The following ATP9A variants were observed in gnomAD, a reference collection of about 807,000 sequenced individuals.
ATP9A encodes probable phospholipid-transporting ATPase IIA.
A neutral mutation model predicts 144.1 loss-of-function variants in ATP9A; 52 were observed. That is an observed-to-expected ratio of 0.36 (90% CI 0.29 to 0.45). The LOEUF (loss-of-function observed/expected upper bound fraction) is 0.45. ATP9A is among the 20% of genes least tolerant of loss of function. The probability of loss-of-function intolerance (pLI) is 1.00; values close to 1 mark genes in which losing one functional copy is unlikely to be tolerated. For missense variants in ATP9A, 947 were observed against 1,392.7 expected (o/e 0.68, Z 5.09); for synonymous variants, 582 against 557.4 (o/e 1.04, Z -0.62).
At chr20:51,732,611 C>T (rs1054547961) in intron 1 of ATP9A, 1 of 146,648 alleles carries the variant, frequency 6.8e-6, no homozygotes, top group Non-Finnish European at 1.5e-5. Context: ...TGGAGTGTGG[C>T]TCTGCTAAGG....
intron 5 of ATP9A, 132 bp downstream of exon 5, chr20:51,697,292 G>C: frequency 1.4e-6 from 1 of 724,498 alleles, no homozygotes; most frequent in Non-Finnish European, 2.3e-6. Context: ...ACAGGAAAGA[G>C]ATTTTTCTCC....
chr20:51,713,651 G>A (rs978156158), intron 3 of ATP9A, among the ~76,000 whole-genome samples: 5 of 152,172 alleles, frequency 3.3e-5, no homozygotes, highest in African/African-American at 1.2e-4. Flanking sequence ...TAGGTGGATG[G>A]AGCCAGTAAG....
At chr20:51,746,897 T>C (rs560563231) in intron 1 of ATP9A, among the ~76,000 whole-genome samples, 2 of 151,880 alleles carry the variant, frequency 1.3e-5, no homozygotes, top group African/African-American at 4.8e-5. Flanking sequence ...TCCCAGCTAC[T>C]CCAGAGGCTG....
At chr20:51,673,140 G>C (rs1419727037) in intron 11 of ATP9A, among the ~76,000 whole-genome samples, 1 of 152,142 alleles carries the variant, frequency 6.6e-6, no homozygotes, top group Non-Finnish European at 1.5e-5. Flanking sequence ...TTGGGAAGCT[G>C]AGGCGGGTGG....
intron 4 of ATP9A, among the ~76,000 whole-genome samples, chr20:51,707,603 C>T (rs1568829614): frequency 6.6e-6 from 1 of 152,292 alleles, no homozygotes; most frequent in East Asian, 1.9e-4. Flanking sequence ...ACTCCTGAAC[C>T]CTGGCAGAGC....
At chr20:51,717,631 C>T (rs1009147285) in intron 3 of ATP9A, among the ~76,000 whole-genome samples, 1 of 151,450 alleles carries the variant, frequency 6.6e-6, no homozygotes, top group Admixed American at 6.6e-5. Context: ...GGAGTAGGGG[C>T]AGAGAAGGCC....
intron 15 of ATP9A, among the ~76,000 whole-genome samples, chr20:51,631,002 G>A (rs2077267650): frequency 6.6e-6 from 1 of 152,028 alleles, no homozygotes; most frequent in Non-Finnish European, 1.5e-5. Context: ...CTACACTTCT[G>A]TCTGTTCGGC....
chr20:51,690,864 T>C (rs568842363), intron 7 of ATP9A, 45 bp from the exon 8 acceptor site: 27 of 1,499,060 alleles, frequency 1.8e-5, no homozygotes, highest in Non-Finnish European at 2.4e-5. Context: ...CAGTTCACAA[T>C]GCAAGACTTC....
intron 14 of ATP9A, among the ~76,000 whole-genome samples, chr20:51,655,744 A>T (rs1025775630): frequency 6.6e-6 from 1 of 152,176 alleles, no homozygotes; most frequent in African/African-American, 2.4e-5. Flanking sequence ...AAGGTTAACT[A>T]TAGAGTCACC....
At position 51,726,635 on chromosome 20, in the gene ATP9A, G is replaced by A. The variant is rs1272336787; in HGVS notation, c.214-703C>T. On this transcript the variant is annotated intron_variant, in intron 2 of 27. Coordinates refer to ENST00000338821, the MANE Select transcript of ATP9A (RefSeq NM_006045.3). Reference sequence around the variant, plus strand: ...GCTCTGTCACCCAGCCTGGAGTCCAGTGGCGTGATCGTAGCTCACTGCAGC... The same window carrying A: ...GCTCTGTCACCCAGCCTGGAGTCCAATGGCGTGATCGTAGCTCACTGCAGC... 3.3e-5 allele frequency among the ~76,000 whole-genome samples: 5 copies of A among 152,092 alleles called. No homozygotes were observed. In the South Asian group the frequency reaches 8.3e-4, roughly 25 times the overall value.
chr20:51,664,873 C>A (rs1485935985), intron 13 of ATP9A, among the ~76,000 whole-genome samples: 3 of 149,396 alleles, frequency 2.0e-5, no homozygotes, highest in African/African-American at 7.4e-5. Context: ...GTGCCCGCCA[C>A]CACCCCCGGC....
chr20:51,683,268 GTTTT>G (rs2077508194), intron 9 of ATP9A, among the ~76,000 whole-genome samples: 1 of 151,292 alleles, frequency 6.6e-6, no homozygotes, highest in African/African-American at 2.4e-5. Context: ...TTGTTTGTTT[GTTTT>G]TATTTTTTTT....
chr20:51,752,444 A>G (rs898789979), intron 1 of ATP9A, among the ~76,000 whole-genome samples: 2 of 152,260 alleles, frequency 1.3e-5, no homozygotes, highest in Non-Finnish European at 2.9e-5. Context: ...TATCCCTAAT[A>G]TTAAAACTGC....
chr20:51,658,280 T>A (rs977069479), intron 13 of ATP9A, among the ~76,000 whole-genome samples: 2 of 152,024 alleles, frequency 1.3e-5, no homozygotes, highest in African/African-American at 4.8e-5. Context: ...CCGAACATGG[T>A]AAAACCCTGT....
At chr20:51,680,836 T>A (rs1052770193) in intron 9 of ATP9A, among the ~76,000 whole-genome samples, 1 of 152,066 alleles carries the variant, frequency 6.6e-6, no homozygotes, top group African/African-American at 2.4e-5. Context: ...CTGAGGCCAA[T>A]TAAGGAAGCA....
rs1351374602 is a variant in ATP9A, at chr20:51,599,342, A to G, written c.*1869T>C. On this transcript the variant is annotated 3_prime_UTR_variant, in exon 28 of 28. Coordinates refer to ENST00000338821, the MANE Select transcript of ATP9A (RefSeq NM_006045.3). ...ATTTCCAAGAAAACGGAGGCTTAAA[A>G]ACTTCCAGCACAAATTTCTCCTCCA... 6.6e-6 allele frequency: 1 copy of G among 152,220 alleles called. No homozygotes were observed. The highest frequency in any genetic ancestry group is 1.9e-4 in the East Asian group (1 of 5,206). The allele number at this position is 152,220 out of a possible 1,614,324, so 9.4% of individuals were successfully genotyped here.
intron 1 of ATP9A, among the ~76,000 whole-genome samples, chr20:51,755,887 G>A (rs1374015186): frequency 3.3e-5 from 5 of 151,920 alleles, no homozygotes; most frequent in Admixed American, 6.6e-5. Flanking sequence ...CCTGGGAGGC[G>A]GAGCTTGCAG....
chr20:51,680,123 G>C (rs1184516946), intron 9 of ATP9A, among the ~76,000 whole-genome samples: 1 of 151,814 alleles, frequency 6.6e-6, no homozygotes, highest in Non-Finnish European at 1.5e-5. Flanking sequence ...CCAGCTACTG[G>C]GGAGGCCGAC....
chr20:51,719,998 C>T (rs1344661416), intron 3 of ATP9A, among the ~76,000 whole-genome samples: 3 of 150,572 alleles, frequency 2.0e-5, no homozygotes, highest in African/African-American at 7.3e-5. Context: ...GCAGTTAGCC[C>T]AGATCATGCC....
Sources: gnomAD v4.1 joint callset for allele counts (sites outside exome capture counted in the v4.1 genomes callset) on GRCh38, gnomAD v4.1.1 for gene constraint, MANE v1.5 for transcripts, NCBI Gene and HGNC (gene_info 2026-07-23, HGNC 2026-07-21) for gene names.